The following PIK3C2B variants were observed in gnomAD, a reference collection of about 807,000 sequenced individuals.
The protein encoded by PIK3C2B is phosphatidylinositol 4-phosphate 3-kinase C2 domain-containing subunit beta.
PIK3C2B carries 83 observed loss-of-function variants against 184.3 expected under a neutral mutation model. The observed-to-expected ratio is 0.45, with a 90% CI of 0.38 to 0.54. PIK3C2B has a LOEUF of 0.54. Among genes scored for constraint, PIK3C2B ranks in the 20% least tolerant of loss-of-function variants. The pLI is 0.00. For missense variants in PIK3C2B, 1,736 were observed against 2,113.5 expected (o/e 0.82, Z 3.50); for synonymous variants, 779 against 837.6 (o/e 0.93, Z 1.21).
intron 1 of PIK3C2B, among the ~76,000 whole-genome samples, chr1:204,487,315 G>C (rs1476001196): frequency 6.6e-6 from 1 of 152,198 alleles, no homozygotes; most frequent in Non-Finnish European, 1.5e-5. Context: ...CATTGCTCAA[G>C]ATGAACATTC....
At chr1:204,479,125 G>T (rs1250724519) in intron 1 of PIK3C2B, among the ~76,000 whole-genome samples, 1 of 152,184 alleles carries the variant, frequency 6.6e-6, no homozygotes, top group Non-Finnish European at 1.5e-5. Context: ...ACCAGAAGCT[G>T]GCAATCAACT....
Position 204,447,705 on chromosome 1 carries a change from T to C in PIK3C2B, c.2347-127A>G, listed in dbSNP as rs781370600. 4.6e-6 allele frequency: 3 copies of C among 645,824 alleles called. No individual in the cohort carries two copies. The highest frequency in any genetic ancestry group is 1.9e-5 in the South Asian group (1 of 53,146). The allele number at this position is 645,824 out of a possible 1,614,324, so 40.0% of individuals were successfully genotyped here. On this transcript the variant is annotated intron_variant, in intron 14 of 32. Coordinates refer to ENST00000684373, the MANE Select transcript of PIK3C2B (RefSeq NM_001377334.1). This position sits in a 1 kb window ranked among gnomAD's most constrained non-coding sequence, Gnocchi z 4.1. ...ACTTTCCCTCAGGTTCTTTGTAAAA[T>C]AGCCCTGTTAGACTTGGTGATCTCT...
At chr1:204,461,997 G>A (rs923150476) in intron 5 of PIK3C2B, among the ~76,000 whole-genome samples, 4 of 151,862 alleles carry the variant, frequency 2.6e-5, no homozygotes, top group African/African-American at 9.7e-5. Context: ...GTTGTCATGT[G>A]TTGGGGGTCT....
rs2271420 is a variant in PIK3C2B, at chr1:204,429,936, G to C, written c.4383C>G (p.Pro1461=). 20 of 1,608,786 alleles carry C rather than the reference G, an allele frequency of 1.2e-5. No individual in the cohort carries two copies. The highest frequency in any genetic ancestry group is 1.7e-5 in the Non-Finnish European group (20 of 1,176,688). ...NGYIWHLIHA[P]PEVAECDLVY... is the part of the protein sequence containing the mutation. ...GCCCACCCACCTCGGCCACCTCAGG[G>C]GGTGCGTGGATCAAGTGCCAGATGT... The change falls in exon 29 of 33, where the codon CCC becomes CCG. Residue 1461 remains proline, a synonymous_variant. Coordinates refer to ENST00000684373, the MANE Select transcript of PIK3C2B (RefSeq NM_001377334.1).
At chr1:204,455,352 G>C (rs939023436) in intron 11 of PIK3C2B, among the ~76,000 whole-genome samples, 1 of 151,732 alleles carries the variant, frequency 6.6e-6, no homozygotes, top group Admixed American at 6.6e-5. Context: ...ACCGGCAGGG[G>C]CGGGGTAGGG....
chr1:204,449,623 A>G (rs1469396383), intron 13 of PIK3C2B, among the ~76,000 whole-genome samples: 1 of 152,216 alleles, frequency 6.6e-6, no homozygotes, highest in East Asian at 1.9e-4. Context: ...TTGCTTTTCC[A>G]TGTATCCTTA....
chr1:204,494,379 G>GC lies in PIK3C2B; in HGVS notation c.-109dup, dbSNP rs1246320359. ...ACCTGCGCTAGCTGCTGGCTCTGCT[G>GC]CAACATCCGACGTGTCTTGTGCCTG... is the stretch of plus-strand genomic sequence containing the variant. On this transcript the variant is annotated 5_prime_UTR_variant, in exon 1 of 33. It removes the in-frame stop codon of an upstream open reading frame in the 5' UTR. Coordinates refer to ENST00000684373, the MANE Select transcript of PIK3C2B (RefSeq NM_001377334.1). The GC allele has an allele frequency of 6.6e-6, 1 of 152,410 alleles. No homozygotes were observed. Among genetic ancestry groups the GC allele is most frequent in the East Asian group, 1.9e-4 (1 of 5,194 alleles). 9.4% of individuals were successfully genotyped at this position (152,410 alleles called of 1,614,324 possible). A position where few individuals can be genotyped will look rare whatever the true frequency, so the allele number is the denominator to read the frequency against.
intron 9 of PIK3C2B, among the ~76,000 whole-genome samples, 196 bp downstream of exon 9, chr1:204,457,532 C>A (rs1654973192): frequency 6.6e-6 from 1 of 152,252 alleles, no homozygotes; most frequent in East Asian, 1.9e-4. Context: ...TCTCCCTCAA[C>A]CTCAGGAAGA....
In PIK3C2B at chr1:204,440,314, T is replaced by G; in HGVS notation, c.3257A>C (p.Asp1086Ala). 1 of 1,593,680 alleles carries G rather than the reference T, an allele frequency of 6.3e-7. No individual in the cohort carries two copies. The highest frequency in any genetic ancestry group is 8.6e-7 in the Non-Finnish European group (1 of 1,169,072). ...CGTTAGCATGTCCTGGCGAAGGTCG[T>G]CCCCACACTGGATGGAGGGAGAAAG... The part of the protein sequence containing the change: ...ENIRVIFKCG[D>A]DLRQDMLTLQ... The change falls in exon 22 of 33, where the codon GAC (aspartate) becomes GCC (alanine). Residue 1086 changes from aspartate to alanine, a missense_variant. Around this residue, in one of 8 missense-constraint regions of PIK3C2B, gnomAD observed 289 missense variants for 380.4 expected, o/e 0.76. Coordinates refer to ENST00000684373, the MANE Select transcript of PIK3C2B (RefSeq NM_001377334.1).
intron 1 of PIK3C2B, among the ~76,000 whole-genome samples, chr1:204,484,413 T>C (rs1385076693): frequency 6.6e-6 from 1 of 152,146 alleles, no homozygotes; most frequent in African/African-American, 2.4e-5. Context: ...CATCCTGTTG[T>C]GGAAACCCAG....
chr1:204,459,137 C>T (rs1369897762), intron 8 of PIK3C2B, among the ~76,000 whole-genome samples: 1 of 152,202 alleles, frequency 6.6e-6, no homozygotes, highest in Non-Finnish European at 1.5e-5. Context: ...CCACCTCAGC[C>T]TCCAGAGTAG....
intron 9 of PIK3C2B, among the ~76,000 whole-genome samples, chr1:204,457,473 G>T (rs1553304428): frequency 6.6e-6 from 1 of 152,200 alleles, no homozygotes; most frequent in Non-Finnish European, 1.5e-5. Context: ...TGGTGACTGT[G>T]AATAAAGCCT....
intron 27 of PIK3C2B, 42 bp from the exon 28 acceptor site, chr1:204,431,835 T>C (rs766745853): frequency 1.2e-6 from 2 of 1,613,324 alleles, no homozygotes; most frequent in East Asian, 2.2e-5. Context: ...CCGAGCCCTC[T>C]GCACCCAGTG....
Position 204,432,211 on chromosome 1 carries a change from T to G in PIK3C2B, c.4144A>C (p.Asn1382His), listed in dbSNP as rs200988397. 1 of 1,613,676 alleles carries G rather than the reference T, an allele frequency of 6.2e-7. No homozygotes were observed. The highest frequency in any genetic ancestry group is 8.5e-7 in the Non-Finnish European group (1 of 1,179,770). Residue 1382 changes from asparagine to histidine, a missense_variant, in exon 27 of 33, where the codon AAC (asparagine) becomes CAC (histidine). By Grantham distance (68) the Asn-to-His change is moderately conservative. This residue lies in a region of PIK3C2B where 200 missense variants were observed against 199.1 expected (regional missense o/e 1.00). Coordinates refer to ENST00000684373, the MANE Select transcript of PIK3C2B (RefSeq NM_001377334.1). Reference protein sequence around the residue: ...LCRHEKIFHPNKGYIYVVKVM... With the variant: ...LCRHEKIFHPHKGYIYVVKVM... ...GAGAAAACACTTACATAGCCTTTGT[T>G]GGGGTGGAAGATCTTCTCATGGCGG...
At chr1:204,488,894 T>C (rs1218869323) in intron 1 of PIK3C2B, among the ~76,000 whole-genome samples, 1 of 152,212 alleles carries the variant, frequency 6.6e-6, no homozygotes, top group Non-Finnish European at 1.5e-5. Flanking sequence ...AATGAATAAA[T>C]GAATGAGTTC....
rs1298101916 is a variant in PIK3C2B, at chr1:204,447,126, C to T, written c.2489+310G>A. ...GGGGCAGGGTGGTGGGGCCAGCTGC[C>T]CCAGTGGACAGAAGGTAGTAGATAG... On this transcript the variant is annotated intron_variant, in intron 15 of 32. Coordinates refer to ENST00000684373, the MANE Select transcript of PIK3C2B (RefSeq NM_001377334.1). The surrounding 1 kb of genome is among the most constrained non-coding windows in gnomAD (Gnocchi z 4.1). 1.3e-5 allele frequency among the ~76,000 whole-genome samples: 2 copies of T among 152,020 alleles called. No individual in the cohort carries two copies. The highest frequency in any genetic ancestry group is 4.8e-5 in the African/African-American group (2 of 41,380).
chr1:204,444,118 G>A lies in PIK3C2B; in HGVS notation c.2817C>T (p.Phe939=). The change falls in exon 18 of 33, where the codon TTC becomes TTT. Residue 939 remains phenylalanine (F), a synonymous_variant. Transcript: ENST00000684373. ...AGTCAGACACAGCTCGTTTCAGGAG[G>A]AAGCGCACCAACGGGCTGTCCAGGT... is the stretch of plus-strand genomic sequence containing the variant. ...ECYLDSPLVR[F]LLKRAVSDLR... The A allele has an allele frequency of 6.2e-7, 1 of 1,614,006 alleles. No individual in the cohort carries two copies. Among genetic ancestry groups the A allele is most frequent in the Non-Finnish European group, 8.5e-7 (1 of 1,179,824 alleles).
Position 204,469,792 on chromosome 1 carries a change from G to C in PIK3C2B, c.11C>G (p.Thr4Ser). 1 of 1,612,704 alleles carries C rather than the reference G, an allele frequency of 6.2e-7. No individual in the cohort carries two copies. Among genetic ancestry groups the C allele is most frequent in the Non-Finnish European group, 8.5e-7 (1 of 1,178,740 alleles). MSS[T>S]QGNGEHWKSL... ...CTTCCAGTGTTCCCCATTGCCCTGA[G>C]TCGAAGACATGGTGAGGATGGGGGA... Residue 4 changes from threonine to serine, a missense_variant, in exon 2 of 33, where the codon ACT becomes AGT. Physicochemically the swap from Thr to Ser is moderately conservative, Grantham distance 58. Coordinates refer to ENST00000684373, the MANE Select transcript of PIK3C2B (RefSeq NM_001377334.1).
At chr1:204,431,038 G>A (rs1675028431) in intron 28 of PIK3C2B, among the ~76,000 whole-genome samples, 6 of 152,180 alleles carry the variant, frequency 3.9e-5, no homozygotes, top group Admixed American at 2.0e-4. Flanking sequence ...GTACAGTTCT[G>A]TGGAATTAAC....
Sources: gnomAD v4.1 joint callset for allele counts (sites outside exome capture counted in the v4.1 genomes callset) on GRCh38, gnomAD v4.1.1 for gene constraint, gnomAD v4.1.1 regional missense constraint, Gnocchi (gnomAD v3.1) non-coding constraint, MANE v1.5 for transcripts, NCBI Gene and HGNC (gene_info 2026-07-23, HGNC 2026-07-21) for gene names.